The following VRK1 variants were observed in gnomAD, a reference collection of about 807,000 sequenced individuals.
VRK1 encodes the protein serine/threonine-protein kinase VRK1.
VRK1 carries 33 observed loss-of-function variants against 57.1 expected under a neutral mutation model. That is an observed-to-expected ratio of 0.58 (90% CI 0.44 to 0.77). The LOEUF (loss-of-function observed/expected upper bound fraction) is 0.77, where lower values mean the gene tolerates loss of function less well. Ranked by LOEUF, VRK1 falls within the 30% of genes least tolerant of loss-of-function variation. The pLI is 0.00. For missense variants in VRK1, 413 were observed against 477.3 expected (o/e 0.87, Z 1.25); for synonymous variants, 137 against 147.8 (o/e 0.93, Z 0.53).
intron 11 of VRK1, among the ~76,000 whole-genome samples, chr14:96,874,550 A>AT (rs1191662699): frequency 6.6e-6 from 1 of 152,166 alleles, no homozygotes; most frequent in African/African-American, 2.4e-5. Context: ...TCTTACAGCT[A>AT]TTTTTGAGAG....
intron 1 of VRK1, among the ~76,000 whole-genome samples, chr14:96,801,093 T>C (rs1885642258): frequency 6.6e-6 from 1 of 152,206 alleles, no homozygotes; most frequent in Non-Finnish European, 1.5e-5. Flanking sequence ...GTATTTATTT[T>C]ATTTTCTTTT....
Position 96,837,778 on chromosome 14 carries a change from A to G in VRK1, c.177A>G (p.Ser59=), listed in dbSNP as rs1566699177. Residue 59 remains serine, a synonymous_variant, in exon 3 of 13, where the codon TCA becomes TCG. Coordinates refer to ENST00000216639, the MANE Select transcript of VRK1 (RefSeq NM_003384.3). ...TTTAAACAGCTGATATGAATTCTTCAGAGTCAGTTGGCAGTGATGCACCTT... is the reference window on the plus strand; with the variant it reads ...TTTAAACAGCTGATATGAATTCTTCGGAGTCAGTTGGCAGTGATGCACCTT... ...GCIYLADMNS[S]ESVGSDAPCV... The G allele has an allele frequency of 1.9e-6, 3 of 1,566,936 alleles. No individual in the cohort carries two copies. The highest frequency in any genetic ancestry group is 1.2e-5 in the South Asian group (1 of 80,400).
intron 2 of VRK1, among the ~76,000 whole-genome samples, chr14:96,835,106 C>T (rs1887164205): frequency 6.6e-6 from 1 of 152,118 alleles, no homozygotes; most frequent in South Asian, 2.1e-4. Context: ...TGTAATAAAA[C>T]TTTACTTTTG....
intron 1 of VRK1, among the ~76,000 whole-genome samples, chr14:96,822,570 C>T (rs1886644734): frequency 6.6e-6 from 1 of 152,192 alleles, no homozygotes; most frequent in Non-Finnish European, 1.5e-5. Context: ...AAGCACTTAA[C>T]ATTTTGGATT....
chr14:96,817,700 GT>G, intron 1 of VRK1, among the ~76,000 whole-genome samples: 1 of 152,262 alleles, frequency 6.6e-6, no homozygotes, highest in East Asian at 1.9e-4. Context: ...AATTGTAAAA[GT>G]TTGCTCACTA....
At chr14:96,799,855 C>G in intron 1 of VRK1, among the ~76,000 whole-genome samples, 1 of 152,010 alleles carries the variant, frequency 6.6e-6, no homozygotes, top group East Asian at 1.9e-4. Context: ...TCACGTGCCC[C>G]CTATTTACAA....
At chr14:96,859,378 C>T (rs1040692830) in intron 10 of VRK1, among the ~76,000 whole-genome samples, 5 of 152,104 alleles carry the variant, frequency 3.3e-5, no homozygotes, top group Non-Finnish European at 7.4e-5. Context: ...ATTTTCCTAT[C>T]GTACTAGCTA....
chr14:96,809,685 G>A (rs1193826387), intron 1 of VRK1, among the ~76,000 whole-genome samples: 5 of 150,388 alleles, frequency 3.3e-5, no homozygotes, highest in Non-Finnish European at 5.9e-5. Context: ...TGATTCTCCT[G>A]CCTCAGTCTC....
At chr14:96,852,663 CTT>C (rs1295723428) in intron 5 of VRK1, among the ~76,000 whole-genome samples, 166 bp from the exon 6 acceptor site, 1 of 152,106 alleles carries the variant, frequency 6.6e-6, no homozygotes, top group Non-Finnish European at 1.5e-5. Context: ...ACTCTGAACT[CTT>C]TGAGATTTCT....
At chr14:96,836,518 C>CTTTTTTTTTTT in intron 2 of VRK1, among the ~76,000 whole-genome samples, 1 of 89,442 alleles carries the variant, frequency 1.1e-5, no homozygotes, top group Non-Finnish European at 2.2e-5. Context: ...ACATCAGGGT[C>CTTTTTTTTTTT]TTTTTTTTTT....
chr14:96,880,104 A>G (rs1309502848), intron 12 of VRK1, among the ~76,000 whole-genome samples: 1 of 152,182 alleles, frequency 6.6e-6, no homozygotes, highest in Non-Finnish European at 1.5e-5. Flanking sequence ...AAAAAAGGAT[A>G]TTCATATAAG....
At chr14:96,832,258 A>C (rs1306782299) in intron 1 of VRK1, among the ~76,000 whole-genome samples, 2 of 152,124 alleles carry the variant, frequency 1.3e-5, no homozygotes, top group Non-Finnish European at 2.9e-5. Context: ...CTCAAAACTG[A>C]GCTCAAAACT....
rs138796095 is a variant in VRK1, at chr14:96,829,957, T to A, written c.-5-3510T>A. On this transcript the variant is annotated intron_variant, in intron 1 of 12. Transcript: ENST00000216639. Reference sequence around the variant, plus strand: ...TAGATTCTTATTGCTGTTTTCTATATTGATAACACTTAGCAGTCTTTATAC... The same window carrying A: ...TAGATTCTTATTGCTGTTTTCTATAATGATAACACTTAGCAGTCTTTATAC... Among the ~76,000 whole-genome samples the A allele has an allele frequency of 2.4e-3, 362 of 152,304 alleles. 3 individuals carry two copies. Among genetic ancestry groups the A allele is most frequent in the East Asian group, 9.8e-3 (51 of 5,194 alleles).
chr14:96,831,085 TCA>T (rs930650166), intron 1 of VRK1, among the ~76,000 whole-genome samples: 3 of 152,200 alleles, frequency 2.0e-5, no homozygotes, highest in African/African-American at 7.2e-5. Flanking sequence ...GTTGCTTTTC[TCA>T]CAGTGTCTTG....
At chr14:96,847,226 T>A in intron 4 of VRK1, 31 bp from the exon 5 acceptor site, 1 of 1,579,512 alleles carries the variant, frequency 6.3e-7, no homozygotes, top group South Asian at 1.1e-5. Flanking sequence ...GTATAACAAT[T>A]GAAATCACAA....
At chr14:96,879,893 A>G (rs1339747187) in intron 12 of VRK1, among the ~76,000 whole-genome samples, 2 of 151,636 alleles carry the variant, frequency 1.3e-5, no homozygotes, top group Non-Finnish European at 2.9e-5. Flanking sequence ...GTGTCACTGC[A>G]CTCTAGCCTG....
At chr14:96,837,359 T>C (rs1216507454) in intron 2 of VRK1, among the ~76,000 whole-genome samples, 2 of 152,200 alleles carry the variant, frequency 1.3e-5, no homozygotes, top group Non-Finnish European at 2.9e-5. Context: ...CCCTCATTTC[T>C]TACTCTTCAG....
intron 12 of VRK1, among the ~76,000 whole-genome samples, chr14:96,878,832 A>G (rs1430828063): frequency 6.6e-6 from 1 of 152,204 alleles, no homozygotes; most frequent in Admixed American, 6.5e-5. Flanking sequence ...AGGAGCCTTT[A>G]AAAATCATGC....
At chr14:96,811,324 A>C (rs1275877256) in intron 1 of VRK1, among the ~76,000 whole-genome samples, 1 of 152,326 alleles carries the variant, frequency 6.6e-6, no homozygotes, top group East Asian at 1.9e-4. Flanking sequence ...ATTAACAAAA[A>C]AATTAGCTAT....
Sources: gnomAD v4.1 joint callset for allele counts (sites outside exome capture counted in the v4.1 genomes callset) on GRCh38, gnomAD v4.1.1 for gene constraint, MANE v1.5 for transcripts, NCBI Gene and HGNC (gene_info 2026-07-23, HGNC 2026-07-21) for gene names.